DCUN1D1: variants seen among roughly 807,000 people sequenced by gnomAD.
The protein encoded by DCUN1D1 is defective in cullin neddylation 1 domain containing 1, also known as DCN1-like protein 1.
In DCUN1D1, 3 loss-of-function variants were observed where a neutral mutation model predicts 39.0. That is an observed-to-expected ratio of 0.08 (90% confidence interval 0.04 to 0.20). The LOEUF is 0.20. DCUN1D1 is among the 10% of genes least tolerant of loss of function. The pLI, the probability that DCUN1D1 is intolerant of heterozygous loss-of-function variation, is 1.00. For synonymous variants in DCUN1D1, 82 were observed against 96.3 expected (o/e 0.85, Z 0.87); for missense variants, 158 against 302.4 (o/e 0.52, Z 3.54).
At position 182,939,828 on chromosome 3, in the gene DCUN1D1, G is replaced by A. The variant is rs921770673; in HGVS notation, c.*5266C>T. 1.3e-5 allele frequency: 2 copies of A among 152,256 alleles called. No homozygotes were observed. Among genetic ancestry groups the A allele is most frequent in the Non-Finnish European group, 2.9e-5 (2 of 68,006 alleles). 9.4% of individuals were successfully genotyped at this position (152,256 alleles called of 1,614,324 possible). A position where few individuals can be genotyped will look rare whatever the true frequency, so the allele number is the denominator to read the frequency against. ...ATGTACAATGGGTGAATTTTACAGT[G>A]TGTAAATTATACAAAGCAATTTTTT... On this transcript the variant is annotated 3_prime_UTR_variant, in exon 7 of 7. Coordinates refer to ENST00000292782, the MANE Select transcript of DCUN1D1 (RefSeq NM_020640.4).
At chr3:182,973,497 T>C (rs888768202) in intron 1 of DCUN1D1, among the ~76,000 whole-genome samples, 4 of 152,214 alleles carry the variant, frequency 2.6e-5, no homozygotes, top group Admixed American at 6.5e-5. Flanking sequence ...TGATACATTA[T>C]GGCAATCTAC....
chr3:182,960,701 A>T (rs1727335796), intron 4 of DCUN1D1, among the ~76,000 whole-genome samples: 1 of 152,226 alleles, frequency 6.6e-6, no homozygotes, highest in African/African-American at 2.4e-5. Flanking sequence ...CTATCCCAAA[A>T]GCAAATGTAC....
chr3:182,977,193 G>A (rs74376726), intron 1 of DCUN1D1, among the ~76,000 whole-genome samples: 11,514 of 152,202 alleles, frequency 0.076, 829 homozygotes, highest in East Asian at 0.34. Flanking sequence ...GGAGAAAATA[G>A]TTTCAGTTCT....
chr3:182,955,640 G>C, intron 4 of DCUN1D1: 1 of 403,218 alleles, frequency 2.5e-6, no homozygotes, highest in Non-Finnish European at 4.9e-6. Flanking sequence ...CTGGAGTGCA[G>C]TGGTGCGATC....
intron 6 of DCUN1D1, among the ~76,000 whole-genome samples, chr3:182,946,196 G>GTCTGGCTA (rs1726389272): frequency 6.6e-6 from 1 of 152,162 alleles, no homozygotes; most frequent in African/African-American, 2.4e-5. Context: ...TGAAGAAATA[G>GTCTGGCTA]CAGAAAAGTA....
In DCUN1D1 at chr3:182,958,837, TACC is replaced by T. The variant is rs1434995299; in HGVS notation, c.520+2386_520+2388del. ...TAAAAATTTAATTTTGCTCAATTCTTACCACAAGTAATAAAAACTAAGATTCAG... is the reference window on the plus strand; with the variant it reads ...TAAAAATTTAATTTTGCTCAATTCTTACAAGTAATAAAAACTAAGATTCAG... On this transcript the variant is annotated intron_variant, in intron 4 of 6. Coordinates refer to ENST00000292782, the MANE Select transcript of DCUN1D1 (RefSeq NM_020640.4). Among the ~76,000 whole-genome samples the T allele has an allele frequency of 1.1e-4, 16 of 152,294 alleles. No homozygotes were observed. In the East Asian group the frequency reaches 1.7e-3, roughly 17 times the overall value.
intron 4 of DCUN1D1, among the ~76,000 whole-genome samples, chr3:182,949,319 T>C (rs1440533609): frequency 6.6e-6 from 1 of 152,054 alleles, no homozygotes; most frequent in Non-Finnish European, 1.5e-5. Flanking sequence ...GCCAAGATCA[T>C]GCCACTGCAC....
At position 182,947,279 on chromosome 3, in the gene DCUN1D1, C is replaced by A; in HGVS notation, c.659G>T (p.Ser220Ile). The change falls in exon 6 of 7, where the codon AGT becomes ATT. Residue 220 changes from serine to isoleucine, a missense_variant. Around this residue, in one of 4 missense-constraint regions of DCUN1D1, gnomAD observed 25 missense variants for 26.3 expected, o/e 0.95. Transcript: ENST00000292782. Reference sequence around the variant, plus strand: ...AGACATGTCATCTGCAATCATCGTACTGAAGTCTAAAAGAAGATTCCAAGT... The same window carrying A: ...AGACATGTCATCTGCAATCATCGTAATGAAGTCTAAAAGAAGATTCCAAGT... ...KDTWNLLLDFSTMIADDMSNY... is the reference protein window; with the variant it reads ...KDTWNLLLDFITMIADDMSNY... 1 of 1,610,014 alleles carries A rather than the reference C, an allele frequency of 6.2e-7. No individual in the cohort carries two copies. Among genetic ancestry groups the A allele is most frequent in the Non-Finnish European group, 8.5e-7 (1 of 1,178,842 alleles).
chr3:182,963,081 C>G (rs1727486253), intron 3 of DCUN1D1, among the ~76,000 whole-genome samples: 3 of 152,118 alleles, frequency 2.0e-5, no homozygotes, highest in Non-Finnish European at 4.4e-5. Flanking sequence ...CGCCTAGCCC[C>G]TGGTGTGGTT....
At chr3:182,976,289 T>C (rs1437040943) in intron 1 of DCUN1D1, among the ~76,000 whole-genome samples, 1 of 152,024 alleles carries the variant, frequency 6.6e-6, no homozygotes, top group Non-Finnish European at 1.5e-5. Context: ...ACAAGGTATA[T>C]CGTACCACTC....
rs1180592350 is a variant in DCUN1D1 at position 182,976,456 on chromosome 3, C to T, written c.3+4031G>A. 5.5e-5 allele frequency among the ~76,000 whole-genome samples: 8 copies of T among 145,116 alleles called. No individual in the cohort carries two copies. In the East Asian group the frequency reaches 7.8e-4, roughly 14 times the overall value. On this transcript the variant is annotated intron_variant, in intron 1 of 6. Coordinates refer to ENST00000292782, the MANE Select transcript of DCUN1D1 (RefSeq NM_020640.4). ...ACATATACATACATACACACACACA[C>T]ACACACACACACACACACACACACA... is the stretch of plus-strand genomic sequence containing the variant.
In DCUN1D1 at chr3:182,966,169, G is replaced by A. The variant is rs546605193; in HGVS notation, c.4-416C>T. Among the ~76,000 whole-genome samples the A allele has an allele frequency of 1.4e-4, 22 of 152,226 alleles. No individual in the cohort carries two copies. The East Asian group carries it at 2.7e-3, about 19-fold the overall frequency. ...GGAAGAAGATGACATGATCTGCCCA[G>A]TCAGCAAATGCCCCTGGGGAACCAT... On this transcript the variant is annotated intron_variant, in intron 1 of 6. Transcript: ENST00000292782.
In DCUN1D1 at chr3:182,946,236, T is replaced by C. The variant is rs931605859; in HGVS notation, c.700+1002A>G. Reference sequence around the variant, plus strand: ...GTGATTATTTACTGAATGCCAATAGTACTATATTAGGCGGCTGAAGTAAGT... The same window carrying C: ...GTGATTATTTACTGAATGCCAATAGCACTATATTAGGCGGCTGAAGTAAGT... On this transcript the variant is annotated intron_variant, in intron 6 of 6. Coordinates refer to ENST00000292782, the MANE Select transcript of DCUN1D1 (RefSeq NM_020640.4). Among the ~76,000 whole-genome samples, 4 of 152,190 alleles carry C rather than the reference T, an allele frequency of 2.6e-5. 1 individual carries two copies. Among genetic ancestry groups the C allele is most frequent in the Admixed American group, 1.3e-4 (2 of 15,290 alleles).
intron 1 of DCUN1D1, among the ~76,000 whole-genome samples, chr3:182,974,689 C>T (rs1728122383): frequency 6.6e-6 from 1 of 151,348 alleles, no homozygotes; most frequent in African/African-American, 2.4e-5. Flanking sequence ...AATGAAAATA[C>T]TCTAATAAGG....
chr3:182,956,584 GA>G (rs1347857100), intron 4 of DCUN1D1, among the ~76,000 whole-genome samples: 1 of 152,152 alleles, frequency 6.6e-6, no homozygotes. Context: ...GTTGTTATGA[GA>G]ACCAAATGGG....
chr3:182,952,440 T>C (rs1247910738), intron 4 of DCUN1D1, among the ~76,000 whole-genome samples: 1 of 152,120 alleles, frequency 6.6e-6, no homozygotes, highest in African/African-American at 2.4e-5. Flanking sequence ...CTGAAACCTA[T>C]CTCTATATTC....
intron 4 of DCUN1D1, among the ~76,000 whole-genome samples, chr3:182,949,773 C>T (rs1317002268): frequency 2.0e-5 from 3 of 152,122 alleles, no homozygotes; most frequent in Non-Finnish European, 4.4e-5. Context: ...CCCCCACATA[C>T]ACACACAGTA....
At position 182,980,507 on chromosome 3, in the gene DCUN1D1, C is replaced by A; in HGVS notation, c.-18G>T. 8.1e-7 allele frequency: 1 copy of A among 1,239,994 alleles called. No individual in the cohort carries two copies. The highest frequency in any genetic ancestry group is 1.9e-5 in the South Asian group (1 of 53,778). The allele number at this position is 1,239,994 out of a possible 1,614,324, so 76.8% of individuals were successfully genotyped here. A position where few individuals can be genotyped will look rare whatever the true frequency, so the allele number is the denominator to read the frequency against. On this transcript the variant is annotated 5_prime_UTR_variant, in exon 1 of 7. In the 5' UTR this introduces an upstream ATG that the reference lacks. Coordinates refer to ENST00000292782, the MANE Select transcript of DCUN1D1 (RefSeq NM_020640.4). ...CTCACCATGTTGGTGTCCTCCAGGC[C>A]TCTCCCCTCCTCCTCCGGCTCCGCA...
upstream of DCUN1D1, among the ~76,000 whole-genome samples, chr3:182,982,907 G>C (rs1390816523): frequency 6.6e-6 from 1 of 152,116 alleles, no homozygotes; most frequent in African/African-American, 2.4e-5. Context: ...GTCTCCCAAA[G>C]TACTGGGATC....
Sources: allele counts gnomAD v4.1 joint callset (sites outside exome capture counted in the v4.1 genomes callset), GRCh38; gene constraint gnomAD v4.1.1; regional missense constraint gnomAD v4.1.1; transcripts MANE v1.5; gene names NCBI Gene and HGNC (gene_info 2026-07-23, HGNC 2026-07-21).